The following MOV10L1 variants were observed in gnomAD, a reference collection of about 807,000 sequenced individuals.
MOV10L1 encodes the protein Mov10 like RNA helicase 1.
MOV10L1 carries 110 observed loss-of-function variants against 143.8 expected under a neutral mutation model. The ratio of observed to expected loss-of-function variants is 0.76; its 90% CI spans 0.66 to 0.90. The LOEUF (loss-of-function observed/expected upper bound fraction) is 0.90. Ranked by LOEUF, MOV10L1 falls within the 40% of genes least tolerant of loss-of-function variation. The pLI is 0.00. For missense variants in MOV10L1, 1,406 were observed against 1,526.8 expected, an observed-to-expected ratio of 0.92 and a Z score of 1.32; for synonymous variants, 593 against 581.1, an observed-to-expected ratio of 1.02 and a Z score of -0.29.
intron 22 of MOV10L1, among the ~76,000 whole-genome samples, 160 bp from the exon 23 acceptor site, chr22:50,157,897 A>G (rs1257088790): frequency 6.6e-6 from 1 of 152,098 alleles, no homozygotes; most frequent in Non-Finnish European, 1.5e-5. Flanking sequence ...ATCATTTAAC[A>G]TATGCCATCT....
chr22:50,125,979 A>G (rs1279862232), intron 11 of MOV10L1, among the ~76,000 whole-genome samples: 1 of 150,632 alleles, frequency 6.6e-6, no homozygotes, highest in East Asian at 2.0e-4. Context: ...TTTTTAGTAG[A>G]GATGAGGTTT....
chr22:50,099,762 A>G (rs113446472), intron 3 of MOV10L1, among the ~76,000 whole-genome samples, 160 bp downstream of exon 3: 11,342 of 152,264 alleles, frequency 0.074, 508 homozygotes, highest in South Asian at 0.17. Context: ...GCAGTGAGCT[A>G]TGATCCAGCC....
At chr22:50,140,687 A>G (rs926471175) in intron 15 of MOV10L1, among the ~76,000 whole-genome samples, 1 of 152,132 alleles carries the variant, frequency 6.6e-6, no homozygotes, top group African/African-American at 2.4e-5. Flanking sequence ...AGCCTGTTTT[A>G]GACTAAAACT....
intron 12 of MOV10L1, among the ~76,000 whole-genome samples, chr22:50,127,716 A>G (rs1397648504): frequency 6.6e-6 from 1 of 151,882 alleles, no homozygotes; most frequent in Non-Finnish European, 1.5e-5. Flanking sequence ...ATCATGCAGG[A>G]TCTTGCTTTA....
At chr22:50,117,413 G>C in intron 9 of MOV10L1, 62 bp downstream of exon 9, 1 of 1,560,626 alleles carries the variant, frequency 6.4e-7, no homozygotes, top group Non-Finnish European at 8.7e-7. Context: ...AGGAAAAGCG[G>C]ACGTGCACTG....
chr22:50,113,860 G>C, intron 6 of MOV10L1, 72 bp downstream of exon 6: 1 of 1,243,382 alleles, frequency 8.0e-7, no homozygotes, highest in South Asian at 2.5e-5. Context: ...AATAATTTCT[G>C]TAAAACCAAC....
chr22:50,158,006 T>C lies in MOV10L1; in HGVS notation c.3067-51T>C. 1 of 1,574,872 alleles carries C rather than the reference T, an allele frequency of 6.3e-7. No individual in the cohort carries two copies. Among genetic ancestry groups the C allele is most frequent in the South Asian group, 1.2e-5 (1 of 85,640 alleles). On this transcript the variant is annotated intron_variant, in intron 22 of 26. Transcript: ENST00000262794. This position sits in a 1 kb window ranked among gnomAD's most constrained non-coding sequence, Gnocchi z 5.0. ...GACTTCAGCTCCTGGATTGTAGCCT[T>C]CTGGTGAATATTCATGAAGTAAAGT...
chr22:50,092,216 T>G, intron 2 of MOV10L1, 31 bp downstream of exon 2: 1 of 1,592,822 alleles, frequency 6.3e-7, no homozygotes, highest in South Asian at 1.1e-5. Flanking sequence ...GGAACAGTTT[T>G]TCTTCGCCAC....
In MOV10L1 at chr22:50,145,802, A is replaced by G. The variant is rs767933009; in HGVS notation, c.2619A>G (p.Ile873Met). ...TCSSSGLFYQ[I>M]GVRVGHFTHV... Reference sequence around the variant, plus strand: ...GCAGCTCAGGGCTGTTTTACCAAATAGGAGTGAGGTGAGCCCCGGGCATGG... The same window carrying G: ...GCAGCTCAGGGCTGTTTTACCAAATGGGAGTGAGGTGAGCCCCGGGCATGG... The change falls in exon 19 of 27, where the codon ATA becomes ATG. Residue 873 changes from isoleucine (I) to methionine (M), a missense_variant. By Grantham distance (10) the Ile-to-Met change is conservative. Around this residue, in one of 3 missense-constraint regions of MOV10L1, gnomAD observed 1,233 missense variants for 1,351.4 expected, o/e 0.91. Coordinates refer to ENST00000262794, the MANE Select transcript of MOV10L1 (RefSeq NM_018995.3). 6.2e-7 allele frequency: 1 copy of G among 1,613,854 alleles called. No individual in the cohort carries two copies. The highest frequency in any genetic ancestry group is 8.5e-7 in the Non-Finnish European group (1 of 1,179,962).
intron 13 of MOV10L1, 54 bp downstream of exon 13, chr22:50,128,561 T>G (rs2062581615): frequency 1.2e-6 from 1 of 836,510 alleles, no homozygotes; most frequent in Non-Finnish European, 1.9e-6. Flanking sequence ...TTTTTTTTTT[T>G]TGAGACTGGG....
chr22:50,125,551 A>G lies in MOV10L1; in HGVS notation c.1729A>G (p.Arg577Gly). The G allele has an allele frequency of 1.2e-6, 2 of 1,614,156 alleles. No individual in the cohort carries two copies. Among genetic ancestry groups the G allele is most frequent in the Non-Finnish European group, 1.7e-6 (2 of 1,180,006 alleles). ...GGAGGTCCCAGGGTTGGCCGAAGGG[A>G]GGCCTTCTCTCTACGCAGGTGTGTT... ...VLEVPGLAEG[R>G]PSLYAGDKLI... Residue 577 changes from arginine (R) to glycine (G), a missense_variant, in exon 11 of 27, where the codon AGG becomes GGG. Around this residue, in one of 3 missense-constraint regions of MOV10L1, gnomAD observed 1,233 missense variants for 1,351.4 expected, o/e 0.91. Transcript: ENST00000262794.
intron 13 of MOV10L1, among the ~76,000 whole-genome samples, chr22:50,131,056 C>G (rs1191243889): frequency 7.2e-6 from 1 of 138,964 alleles, no homozygotes; most frequent in Non-Finnish European, 1.5e-5. Flanking sequence ...ACCACCACGC[C>G]CGGCTAATTT....
chr22:50,125,824 G>A (rs569948180), intron 11 of MOV10L1, among the ~76,000 whole-genome samples: 90 of 152,064 alleles, frequency 5.9e-4, no homozygotes, highest in African/African-American at 2.1e-3. Flanking sequence ...GTCTCGCTGT[G>A]TCGCCCAGGC....
At chr22:50,108,444 C>A in intron 4 of MOV10L1, 196 bp downstream of exon 4, 1 of 751,750 alleles carries the variant, frequency 1.3e-6, no homozygotes, top group Non-Finnish European at 2.3e-6. Flanking sequence ...TGCTTGCATA[C>A]CTGAATTCTA....
At chr22:50,105,987 G>A (rs1406927895) in intron 3 of MOV10L1, among the ~76,000 whole-genome samples, 1 of 152,194 alleles carries the variant, frequency 6.6e-6, no homozygotes, top group East Asian at 1.9e-4. Context: ...GACCTGCAGG[G>A]TCTGATTTGT....
At chr22:50,113,930 T>G (rs543485495) in intron 6 of MOV10L1, 142 bp downstream of exon 6, 2 of 988,880 alleles carry the variant, frequency 2.0e-6, no homozygotes, top group Admixed American at 7.6e-5. Context: ...TTTTTTTTTT[T>G]TTTTTTGAGA....
intron 15 of MOV10L1, among the ~76,000 whole-genome samples, chr22:50,141,016 T>C (rs909415204): frequency 1.6e-4 from 25 of 152,130 alleles, no homozygotes; most frequent in African/African-American, 5.8e-4. Context: ...ACTACTTACA[T>C]TGGAACACAC....
intron 1 of MOV10L1, among the ~76,000 whole-genome samples, chr22:50,091,641 C>T (rs2062446429): frequency 6.6e-6 from 1 of 152,170 alleles, no homozygotes; most frequent in Non-Finnish European, 1.5e-5. Flanking sequence ...GACGATTAGT[C>T]TCCATCTTAC....
intron 19 of MOV10L1, among the ~76,000 whole-genome samples, chr22:50,146,651 C>T (rs1479517690): frequency 6.6e-6 from 1 of 151,978 alleles, no homozygotes; most frequent in Non-Finnish European, 1.5e-5. Context: ...GGTCGTGACC[C>T]TCCCTGACAG....
Sources: allele counts gnomAD v4.1 joint callset (sites outside exome capture counted in the v4.1 genomes callset), GRCh38; gene constraint gnomAD v4.1.1; regional missense constraint gnomAD v4.1.1; non-coding constraint Gnocchi (gnomAD v3.1); transcripts MANE v1.5; gene names NCBI Gene and HGNC (gene_info 2026-07-23, HGNC 2026-07-21).